Variants in ANKRD44 observed in about 807,000 individuals in gnomAD.
ANKRD44 encodes the protein ankyrin repeat domain 44.
A neutral mutation model predicts 116.0 loss-of-function variants in ANKRD44; 35 were observed. That is an observed-to-expected ratio of 0.30 (90% confidence interval 0.23 to 0.40). The LOEUF (loss-of-function observed/expected upper bound fraction) is 0.40, where lower values mean the gene tolerates loss of function less well. ANKRD44 is among the 10% of genes least tolerant of loss of function. The pLI, the probability that ANKRD44 is intolerant of heterozygous loss-of-function variation, is 1.00. For missense variants in ANKRD44, 1,014 were observed against 1,242.6 expected, an observed-to-expected ratio of 0.82 and a Z score of 2.77; for synonymous variants, 435 against 461.8, an observed-to-expected ratio of 0.94 and a Z score of 0.74.
rs2081088649 is a variant in ANKRD44, at chr2:197,201,399, C to T, written c.28-14293G>A. 6.8e-6 allele frequency among the ~76,000 whole-genome samples: 1 copy of T among 147,586 alleles called. No individual in the cohort carries two copies. The highest frequency in any genetic ancestry group is 1.9e-4 in the East Asian group (1 of 5,196). On this transcript the variant is annotated intron_variant, in intron 1 of 27. Coordinates refer to ENST00000282272, the MANE Select transcript of ANKRD44 (RefSeq NM_001195144.2). The surrounding 1 kb of genome is among the most constrained non-coding windows in gnomAD (Gnocchi z 4.0). ...CAGAATTTTGAATGCCCGTTGCCTC[C>T]GTGGCACTAGGCAACCACAAAGGCA...
At chr2:196,973,299 C>T (rs550855542) in intron 21 of ANKRD44, among the ~76,000 whole-genome samples, 1 of 151,620 alleles carries the variant, frequency 6.6e-6, no homozygotes, top group Admixed American at 6.6e-5. Context: ...CTGTGTTTTT[C>T]CTATCACTTT....
intron 16 of ANKRD44, among the ~76,000 whole-genome samples, chr2:197,055,941 G>T (rs1039993615): frequency 9.9e-5 from 15 of 152,142 alleles, no homozygotes; most frequent in African/African-American, 3.6e-4. Flanking sequence ...CCAGGCTGGA[G>T]TACAGGAGTG....
intron 8 of ANKRD44, among the ~76,000 whole-genome samples, chr2:197,120,727 A>C (rs1009154046): frequency 3.3e-5 from 5 of 152,042 alleles, no homozygotes; most frequent in African/African-American, 1.2e-4. Context: ...ACAGGCCTAC[A>C]ATCATTATTA....
At chr2:196,969,372 G>A (rs1438734650) in intron 21 of ANKRD44, among the ~76,000 whole-genome samples, 1 of 151,872 alleles carries the variant, frequency 6.6e-6, no homozygotes, top group African/African-American at 2.4e-5. Flanking sequence ...CATAGATTTG[G>A]CTGCTTTCAC....
chr2:197,275,667 T>A (rs2105801949), intron 1 of ANKRD44, among the ~76,000 whole-genome samples: 1 of 151,974 alleles, frequency 6.6e-6, no homozygotes, highest in Non-Finnish European at 1.5e-5. Context: ...CTCAGCGGGG[T>A]AGCACTGCCC....
chr2:197,009,924 T>C (rs2076267411), intron 18 of ANKRD44, among the ~76,000 whole-genome samples: 1 of 152,104 alleles, frequency 6.6e-6, no homozygotes, highest in African/African-American at 2.4e-5. Context: ...TCAGCTCCCC[T>C]TTTTGTTCCT....
chr2:197,116,682 G>A (rs2950821), intron 8 of ANKRD44, among the ~76,000 whole-genome samples: 96,482 of 151,982 alleles, frequency 0.63, 34,150 homozygotes, highest in East Asian at 0.95. Flanking sequence ...CTGTACTCAT[G>A]CTATTACATA....
In ANKRD44 at chr2:197,125,896, C is replaced by T; in HGVS notation, c.403G>A (p.Val135Ile). Residue 135 changes from valine (V) to isoleucine (I), a missense_variant, in exon 5 of 28, where the codon GTC (valine) becomes ATC (isoleucine). Physicochemically the swap from Val to Ile is conservative, Grantham distance 29. Coordinates refer to ENST00000282272, the MANE Select transcript of ANKRD44 (RefSeq NM_001195144.2). ...GCTGTGCGCCCCCCTCGGTCGGAGA[C>T]ATTGACACTGCTCAGCAGGGGAATG... The part of the protein sequence containing the change: ...VIIPLLSSVN[V>I]SDRGGRTALH... The T allele has an allele frequency of 6.2e-7, 1 of 1,614,256 alleles. No homozygotes were observed. Among genetic ancestry groups the T allele is most frequent in the East Asian group, 2.2e-5 (1 of 44,886 alleles).
At chr2:197,274,388 G>A (rs1167983500) in intron 1 of ANKRD44, among the ~76,000 whole-genome samples, 1 of 152,186 alleles carries the variant, frequency 6.6e-6, no homozygotes, top group Non-Finnish European at 1.5e-5. Context: ...CCGCCCAGCT[G>A]TGCAGAGTGT....
At chr2:197,178,899 C>A (rs1424048859) in intron 2 of ANKRD44, among the ~76,000 whole-genome samples, 1 of 152,048 alleles carries the variant, frequency 6.6e-6, no homozygotes, top group East Asian at 1.9e-4. Context: ...CCATTCCAGC[C>A]CCAGTGATTT....
rs918014864 is a variant in ANKRD44 at position 196,987,665 on chromosome 2, T to C, written c.*1926A>G. On this transcript the variant is annotated 3_prime_UTR_variant, in exon 28 of 28. Coordinates refer to ENST00000282272, the MANE Select transcript of ANKRD44 (RefSeq NM_001195144.2). ...TAGAAATACCCTGAGCTATTTACTGTAGAATCATAGCAGATTTTAGGCAAT... is the reference window on the plus strand; with the variant it reads ...TAGAAATACCCTGAGCTATTTACTGCAGAATCATAGCAGATTTTAGGCAAT... 40 of 985,324 alleles carry C rather than the reference T, an allele frequency of 4.1e-5. No individual in the cohort carries two copies. In the African/African-American group the frequency reaches 6.5e-4, roughly 16 times the overall value. 61.0% of individuals were successfully genotyped at this position (985,324 alleles called of 1,614,324 possible). A position where few individuals can be genotyped will look rare whatever the true frequency, so the allele number is the denominator to read the frequency against.
chr2:197,038,870 G>A (rs2076855771), intron 16 of ANKRD44, among the ~76,000 whole-genome samples: 1 of 152,136 alleles, frequency 6.6e-6, no homozygotes, highest in African/African-American at 2.4e-5. Context: ...GAAACCAAAA[G>A]TGATTGCAGA....
At chr2:197,295,207 C>G (rs1222787333) in intron 1 of ANKRD44, among the ~76,000 whole-genome samples, 1 of 152,192 alleles carries the variant, frequency 6.6e-6, no homozygotes, top group Non-Finnish European at 1.5e-5. Context: ...TTAGGTAACA[C>G]TAGGACTGTA....
intron 9 of ANKRD44, among the ~76,000 whole-genome samples, chr2:197,105,335 A>G (rs767997206): frequency 6.6e-6 from 1 of 152,164 alleles, no homozygotes; most frequent in Non-Finnish European, 1.5e-5. Context: ...GCTAGTCTCT[A>G]ATGCTGACCT....
intron 1 of ANKRD44, among the ~76,000 whole-genome samples, chr2:197,257,728 A>G (rs944459383): frequency 1.3e-5 from 2 of 152,214 alleles, no homozygotes; most frequent in Non-Finnish European, 2.9e-5. Flanking sequence ...TGTACCCACA[A>G]AAAGTAAAAA....
intron 13 of ANKRD44, among the ~76,000 whole-genome samples, chr2:197,086,267 GT>G (rs1379682245): frequency 6.6e-5 from 10 of 152,128 alleles, no homozygotes; most frequent in Admixed American, 6.6e-4. Context: ...CCCATTGGTG[GT>G]GTGTGTGCAC....
At chr2:197,300,361 C>A (rs2083864057) in intron 1 of ANKRD44, among the ~76,000 whole-genome samples, 1 of 152,220 alleles carries the variant, frequency 6.6e-6, no homozygotes, top group South Asian at 2.1e-4. Context: ...GTTCTACCCA[C>A]ATCTGCTGCC....
intron 9 of ANKRD44, among the ~76,000 whole-genome samples, chr2:197,109,891 A>T (rs2078524031): frequency 6.6e-6 from 1 of 152,188 alleles, no homozygotes; most frequent in Non-Finnish European, 1.5e-5. Flanking sequence ...CTTCAGTGAC[A>T]ACCTGATGGT....
rs1217598720 is a variant in ANKRD44, at chr2:197,201,136, A to C, written c.28-14030T>G. On this transcript the variant is annotated intron_variant, in intron 1 of 27. Transcript: ENST00000282272. The surrounding 1 kb of genome is among the most constrained non-coding windows in gnomAD (Gnocchi z 4.0). ...TAACTGAGAGGTGGTGCCACAGAGA[A>C]GTCTATGATTCTCTCTTTTTCATTA... is the stretch of plus-strand genomic sequence containing the variant. Among the ~76,000 whole-genome samples the C allele has an allele frequency of 6.6e-6, 1 of 152,168 alleles. No homozygotes were observed. Among genetic ancestry groups the C allele is most frequent in the Non-Finnish European group, 1.5e-5 (1 of 68,022 alleles).
Sources: allele counts gnomAD v4.1 joint callset (sites outside exome capture counted in the v4.1 genomes callset), GRCh38; gene constraint gnomAD v4.1.1; non-coding constraint Gnocchi (gnomAD v3.1); transcripts MANE v1.5; gene names NCBI Gene and HGNC (gene_info 2026-07-23, HGNC 2026-07-21).